The following WWOX variants were observed in gnomAD, a reference collection of about 807,000 sequenced individuals.
The protein encoded by WWOX is WW domain-containing oxidoreductase.
Under a neutral mutation model 46.2 loss-of-function variants are expected in WWOX, and 69 were observed. That is an observed-to-expected ratio of 1.49 (90% CI 1.23 to 1.82). WWOX has a LOEUF of 1.82. Ranked by LOEUF, WWOX falls within the 40% of genes most tolerant of loss-of-function variation. WWOX has a pLI of 0.00. For synonymous variants in WWOX, 359 were observed against 202.6 expected (o/e 1.77, Z -6.56); for missense variants, 919 against 542.6 (o/e 1.69, Z -6.89).
At chr16:78,615,820 C>G (rs1962835) in intron 8 of WWOX, among the ~76,000 whole-genome samples, 118,337 of 151,084 alleles carry the variant, frequency 0.78, 46,696 homozygotes, top group Middle Eastern at 0.83. Flanking sequence ...GCACAGTCTC[C>G]GCTCACTGTA....
intron 5 of WWOX, among the ~76,000 whole-genome samples, chr16:78,189,363 G>A (rs956314132): frequency 2.0e-5 from 3 of 152,178 alleles, no homozygotes. Flanking sequence ...GCACTTTGGT[G>A]CTCTGATGAT....
chr16:78,930,154 TG>T (rs1431080566), intron 8 of WWOX, among the ~76,000 whole-genome samples: 1 of 151,780 alleles, frequency 6.6e-6, no homozygotes, highest in Non-Finnish European at 1.5e-5. Flanking sequence ...TGAATGGAAA[TG>T]GGAGGAACTT....
rs1486896525 is a variant in WWOX at position 78,345,596 on chromosome 16, T to G, written c.517-41264T>G. Among the ~76,000 whole-genome samples, 2 of 90,574 alleles carry G rather than the reference T, an allele frequency of 2.2e-5. 1 individual carries two copies. Among genetic ancestry groups the G allele is most frequent in the Non-Finnish European group, 5.0e-5 (2 of 39,786 alleles). 59.4% of individuals were successfully genotyped at this position (90,574 alleles called of 152,430 possible). Reference sequence around the variant, plus strand: ...TCAAGGCTACAGTGAGCTGTGATCCTGTCTCTACACCTCAGTCTGGGTGGC... The same window carrying G: ...TCAAGGCTACAGTGAGCTGTGATCCGGTCTCTACACCTCAGTCTGGGTGGC... On this transcript the variant is annotated intron_variant, in intron 5 of 8. Coordinates refer to ENST00000566780, the MANE Select transcript of WWOX (RefSeq NM_016373.4).
chr16:78,570,906 C>G (rs576003804), intron 8 of WWOX, among the ~76,000 whole-genome samples: 1 of 152,242 alleles, frequency 6.6e-6, no homozygotes, highest in African/African-American at 2.4e-5. Flanking sequence ...AAGGAGCTGG[C>G]AGTGTGAATA....
intron 5 of WWOX, among the ~76,000 whole-genome samples, chr16:78,371,774 T>A (rs2081695526): frequency 6.6e-6 from 1 of 151,758 alleles, no homozygotes. Flanking sequence ...TTTCAAAATG[T>A]TCCTGATGTT....
intron 8 of WWOX, among the ~76,000 whole-genome samples, chr16:79,191,562 T>C (rs1415777974): frequency 6.6e-6 from 1 of 152,242 alleles, no homozygotes; most frequent in Non-Finnish European, 1.5e-5. Flanking sequence ...GAAGGTCCTG[T>C]GGGAGCTCAC....
At chr16:78,174,421 C>T (rs550087790) in intron 5 of WWOX, among the ~76,000 whole-genome samples, 1 of 152,302 alleles carries the variant, frequency 6.6e-6, no homozygotes, top group Non-Finnish European at 1.5e-5. Context: ...ATGTGGGAAT[C>T]CTGGGAGATA....
chr16:78,798,591 G>GTTTTTTTTTTT (rs34236291), intron 8 of WWOX, among the ~76,000 whole-genome samples: 1 of 98,300 alleles, frequency 1.0e-5, no homozygotes. Flanking sequence ...TTGTTGTTGG[G>GTTTTTTTTTTT]TTTTTTTTTT....
intron 8 of WWOX, among the ~76,000 whole-genome samples, chr16:79,099,134 G>A (rs921673272): frequency 6.6e-6 from 1 of 152,126 alleles, no homozygotes; most frequent in Non-Finnish European, 1.5e-5. Flanking sequence ...CAGCTCCCGT[G>A]GGAAATCACA....
At chr16:78,445,949 C>T (rs974082343) in intron 8 of WWOX, among the ~76,000 whole-genome samples, 1 of 152,098 alleles carries the variant, frequency 6.6e-6, no homozygotes, top group Non-Finnish European at 1.5e-5. Flanking sequence ...ATGAGCCTAG[C>T]CTTTGCTGTG....
At chr16:78,580,627 G>C (rs9927747) in intron 8 of WWOX, among the ~76,000 whole-genome samples, 26,918 of 152,124 alleles carry the variant, frequency 0.18, 2,525 homozygotes, top group East Asian at 0.19. Flanking sequence ...AACAACTCTG[G>C]TATTAGTAAA....
intron 8 of WWOX, among the ~76,000 whole-genome samples, chr16:78,536,259 T>C (rs1332161833): frequency 1.3e-5 from 2 of 152,170 alleles, no homozygotes; most frequent in African/African-American, 2.4e-5. Flanking sequence ...GTAAATGTCA[T>C]GTAGATTTTA....
At chr16:78,858,865 G>C (rs528849108) in intron 8 of WWOX, among the ~76,000 whole-genome samples, 2 of 150,918 alleles carry the variant, frequency 1.3e-5, no homozygotes, top group Non-Finnish European at 3.0e-5. Context: ...CTTTTTTGTA[G>C]TTGGGGTCTC....
At chr16:78,549,243 C>T (rs2044119973) in intron 8 of WWOX, among the ~76,000 whole-genome samples, 1 of 152,130 alleles carries the variant, frequency 6.6e-6, no homozygotes, top group African/African-American at 2.4e-5. Flanking sequence ...AGCTTTCCTG[C>T]CAGCCACGAA....
chr16:78,121,242 A>C (rs2033078991), intron 4 of WWOX, among the ~76,000 whole-genome samples: 1 of 152,198 alleles, frequency 6.6e-6, no homozygotes, highest in Admixed American at 6.5e-5. Context: ...GGGCATTGGA[A>C]CTCCATTTTA....
intron 8 of WWOX, among the ~76,000 whole-genome samples, chr16:78,864,029 G>T (rs779390023): frequency 3.3e-5 from 5 of 152,072 alleles, no homozygotes; most frequent in Non-Finnish European, 7.4e-5. Context: ...TTTACCCTTT[G>T]ACTATTGCAA....
chr16:78,984,162 G>A (rs2046739395), intron 8 of WWOX, among the ~76,000 whole-genome samples: 2 of 152,122 alleles, frequency 1.3e-5, no homozygotes, highest in African/African-American at 4.8e-5. Context: ...ACAGGCATGA[G>A]CCATCGCGCC....
At chr16:78,645,495 G>T (rs1304652721) in intron 8 of WWOX, among the ~76,000 whole-genome samples, 2 of 152,158 alleles carry the variant, frequency 1.3e-5, no homozygotes, top group African/African-American at 2.4e-5. Context: ...TCTGCAGGAT[G>T]TCCAAGAAGC....
intron 6 of WWOX, among the ~76,000 whole-genome samples, chr16:78,417,963 T>G (rs2082837379): frequency 6.6e-6 from 1 of 152,348 alleles, no homozygotes; most frequent in East Asian, 1.9e-4. Context: ...AGATCCAGAT[T>G]ACCGAGTGAT....
Sources: gnomAD v4.1 joint callset for allele counts (sites outside exome capture counted in the v4.1 genomes callset) on GRCh38, gnomAD v4.1.1 for gene constraint, MANE v1.5 for transcripts, NCBI Gene and HGNC (gene_info 2026-07-23, HGNC 2026-07-21) for gene names.